Variants in NPNT observed in about 807,000 individuals in gnomAD.
The protein encoded by NPNT is nephronectin, also known as preosteoblast EGF-like repeat protein with MAM domain.
NPNT carries 45 observed loss-of-function variants against 68.6 expected under a neutral mutation model. That is an observed-to-expected ratio of 0.66 (90% CI 0.52 to 0.84). The LOEUF (loss-of-function observed/expected upper bound fraction) is 0.84. NPNT is among the 40% of genes least tolerant of loss of function. The probability of loss-of-function intolerance (pLI) is 0.00; values close to 1 mark genes in which losing one functional copy is unlikely to be tolerated. For missense variants in NPNT, 672 were observed against 714.8 expected (o/e 0.94, Z 0.68); for synonymous variants, 233 against 253.3 (o/e 0.92, Z 0.76).
At chr4:105,949,616 G>A (rs1279817824) in intron 8 of NPNT, among the ~76,000 whole-genome samples, 1 of 152,120 alleles carries the variant, frequency 6.6e-6, no homozygotes, top group Non-Finnish European at 1.5e-5. Context: ...CAATCCCAGG[G>A]CAAAGAAACT....
chr4:105,897,588 CTG>C (rs1725964649), intron 1 of NPNT, among the ~76,000 whole-genome samples: 1 of 152,150 alleles, frequency 6.6e-6, no homozygotes, highest in African/African-American at 2.4e-5. Context: ...AGAAACTATC[CTG>C]TGAGTGGCAG....
chr4:105,919,088 G>A (rs912079621), intron 2 of NPNT, among the ~76,000 whole-genome samples: 2 of 152,056 alleles, frequency 1.3e-5, no homozygotes, highest in Non-Finnish European at 2.9e-5. Flanking sequence ...CTACTCACAA[G>A]TTAAATAATA....
chr4:105,967,550 T>A, intron 11 of NPNT, 106 bp downstream of exon 11: 1 of 1,230,866 alleles, frequency 8.1e-7, no homozygotes, highest in Non-Finnish European at 1.1e-6. Context: ...CAGGCTCAGA[T>A]AAAGGTTTGG....
chr4:105,903,783 CTT>C (rs746122761), intron 2 of NPNT, among the ~76,000 whole-genome samples: 46 of 126,892 alleles, frequency 3.6e-4, no homozygotes, highest in Admixed American at 4.8e-4. Flanking sequence ...GACCTTCTTA[CTT>C]TTTTTTTTTT....
At chr4:105,961,065 A>G (rs1054891587) in intron 10 of NPNT, among the ~76,000 whole-genome samples, 1 of 152,212 alleles carries the variant, frequency 6.6e-6, no homozygotes, top group African/African-American at 2.4e-5. Flanking sequence ...GGAGCAAATA[A>G]TATTGTCTTT....
chr4:105,940,750 A>C (rs910990469), intron 7 of NPNT, 114 bp downstream of exon 7: 25 of 956,030 alleles, frequency 2.6e-5, no homozygotes, highest in Non-Finnish European at 3.4e-5. Context: ...AATTGTCATA[A>C]TTGGTTATAT....
intron 2 of NPNT, among the ~76,000 whole-genome samples, chr4:105,918,804 A>T (rs1206712644): frequency 6.6e-6 from 1 of 152,126 alleles, no homozygotes; most frequent in East Asian, 1.9e-4. Flanking sequence ...CATAATTAGC[A>T]TTTTATTGAG....
At chr4:105,931,831 C>G (rs2149360734) in intron 3 of NPNT, among the ~76,000 whole-genome samples, 1 of 152,154 alleles carries the variant, frequency 6.6e-6, no homozygotes, top group South Asian at 2.1e-4. Context: ...CAGAGCAAGA[C>G]TCCATCTAAA....
intron 11 of NPNT, among the ~76,000 whole-genome samples, chr4:105,967,862 T>C (rs772003854): frequency 6.6e-6 from 1 of 152,180 alleles, no homozygotes; most frequent in Non-Finnish European, 1.5e-5. Flanking sequence ...ATGGTTCTTT[T>C]TTCTTTTTTG....
intron 2 of NPNT, among the ~76,000 whole-genome samples, chr4:105,904,112 T>C (rs28622298): frequency 0.02 from 3,058 of 152,284 alleles, 102 homozygotes; most frequent in African/African-American, 0.068. Context: ...GCACTCAGCA[T>C]TCCATTGTAT....
At chr4:105,912,093 GT>G (rs1727414087) in intron 2 of NPNT, 1 of 822,114 alleles carries the variant, frequency 1.2e-6, no homozygotes, top group African/African-American at 1.7e-5. Context: ...ATATGTGTAA[GT>G]CTCCGGGAAT....
chr4:105,902,356 G>C (rs10017491), intron 2 of NPNT, among the ~76,000 whole-genome samples: 1 of 152,080 alleles, frequency 6.6e-6, no homozygotes, highest in African/African-American at 2.4e-5. Context: ...TATTTTAAAC[G>C]TAAAGCAATT....
chr4:105,900,916 T>G (rs967398510), intron 2 of NPNT, among the ~76,000 whole-genome samples: 1 of 151,728 alleles, frequency 6.6e-6, no homozygotes, highest in African/African-American at 2.4e-5. Context: ...AATTCAACAT[T>G]TGATTTTCTA....
intron 8 of NPNT, among the ~76,000 whole-genome samples, chr4:105,949,614 G>C (rs551717402): frequency 6.6e-6 from 1 of 152,228 alleles, no homozygotes; most frequent in East Asian, 1.9e-4. Flanking sequence ...AGCAATCCCA[G>C]GGCAAAGAAA....
intron 2 of NPNT, among the ~76,000 whole-genome samples, chr4:105,908,652 C>T (rs1301191039): frequency 1.3e-5 from 2 of 151,844 alleles, no homozygotes; most frequent in Non-Finnish European, 2.9e-5. Flanking sequence ...CAACCTCTGC[C>T]TCCTGGGTTC....
At chr4:105,952,290 A>T (rs1027649642) in intron 8 of NPNT, among the ~76,000 whole-genome samples, 75 of 152,364 alleles carry the variant, frequency 4.9e-4, no homozygotes, top group African/African-American at 1.8e-3. Flanking sequence ...GTGCACAGAG[A>T]AAAATGAAAA....
rs902860739 is a variant in NPNT at position 105,927,284 on chromosome 4, T to C, written c.173-52T>C. The C allele has an allele frequency of 9.0e-6, 10 of 1,111,724 alleles. No individual in the cohort carries two copies. The African/African-American group carries it at 1.2e-4, about 14-fold the overall frequency. 68.9% of individuals were successfully genotyped at this position (1,111,724 alleles called of 1,614,324 possible). A position where few individuals can be genotyped will look rare whatever the true frequency, so the allele number is the denominator to read the frequency against. On this transcript the variant is annotated intron_variant, in intron 2 of 11. Transcript: ENST00000379987. ...ACTAGTGCACGACATCAATGCTATA[T>C]GATTGGTGTTTCGTTGACCTAGAAA...
At chr4:105,904,093 C>T (rs1264986865) in intron 2 of NPNT, among the ~76,000 whole-genome samples, 1 of 152,076 alleles carries the variant, frequency 6.6e-6, no homozygotes, top group Non-Finnish European at 1.5e-5. Context: ...TGCCTCCTTA[C>T]TTTTTTATGC....
At position 105,969,015 on chromosome 4, in the gene NPNT, C is replaced by G. The variant is rs546118069; in HGVS notation, c.*25C>G. The G allele has an allele frequency of 6.0e-4, 829 of 1,379,736 alleles. 9 individuals carry two copies. The South Asian group carries it at 9.3e-3, about 15-fold the overall frequency. The allele number at this position is 1,379,736 out of a possible 1,614,324, so 85.5% of individuals were successfully genotyped here. A position where few individuals can be genotyped will look rare whatever the true frequency, so the allele number is the denominator to read the frequency against. ...ACAACTCCAGAACTAACAATGAACT[C>G]CTATGTTGCTCTATCCTCTTTTTCC... On this transcript the variant is annotated 3_prime_UTR_variant, in exon 12 of 12. Coordinates refer to ENST00000379987, the MANE Select transcript of NPNT (RefSeq NM_001033047.3).
Sources: gnomAD v4.1 joint callset for allele counts (sites outside exome capture counted in the v4.1 genomes callset) on GRCh38, gnomAD v4.1.1 for gene constraint, MANE v1.5 for transcripts, NCBI Gene and HGNC (gene_info 2026-07-23, HGNC 2026-07-21) for gene names.